TTL: variants seen among roughly 807,000 people sequenced by gnomAD.
The protein encoded by TTL is tubulin--tyrosine ligase.
Under a neutral mutation model 41.1 loss-of-function variants are expected in TTL, and 10 were observed. The observed-to-expected ratio is 0.24, with a 90% CI of 0.15 to 0.41. TTL has a LOEUF of 0.41. TTL is among the 10% of genes least tolerant of loss of function. The pLI is 1.00. For synonymous variants in TTL, 175 were observed against 175.5 expected (o/e 1.00, Z 0.02); for missense variants, 367 against 460.4 (o/e 0.80, Z 1.86).
Position 112,501,171 on chromosome 2 carries a change from T to C in TTL, c.470-35T>C, listed in dbSNP as rs754518717. 1.1e-5 allele frequency: 17 copies of C among 1,583,774 alleles called. No homozygotes were observed. In the South Asian group the frequency reaches 1.3e-4, roughly 12 times the overall value. On this transcript the variant is annotated intron_variant, in intron 3 of 6. Coordinates refer to ENST00000233336, the MANE Select transcript of TTL (RefSeq NM_153712.5). The stretch of plus-strand genomic sequence containing the variant: ...ATTTATAGAGAGCTCTTGGTTTGAA[T>C]TGGATTGGTTTGTCTTTTGCTTTTT...
At chr2:112,486,929 C>T (rs918661693) in intron 2 of TTL, among the ~76,000 whole-genome samples, 9 of 152,160 alleles carry the variant, frequency 5.9e-5, no homozygotes, top group African/African-American at 9.7e-5. Context: ...AATTTAGCTA[C>T]GGGCTTTGAA....
At chr2:112,514,703 C>G (rs2104468127) in intron 5 of TTL, among the ~76,000 whole-genome samples, 1 of 152,244 alleles carries the variant, frequency 6.6e-6, no homozygotes, top group East Asian at 1.9e-4. Context: ...TGTACATATT[C>G]CTGCATTTGG....
At chr2:112,483,974 C>T (rs2104443635) in intron 1 of TTL, 1 of 152,264 alleles carries the variant, frequency 6.6e-6, no homozygotes, top group East Asian at 1.9e-4. Context: ...TTATTTGTTC[C>T]TTGCATTGTC....
chr2:112,482,274 G>T lies in TTL; in HGVS notation c.-71G>T. 2 of 1,113,218 alleles carry T rather than the reference G, an allele frequency of 1.8e-6. No homozygotes were observed. Among genetic ancestry groups the T allele is most frequent in the Non-Finnish European group, 2.2e-6 (2 of 898,616 alleles). 69.0% of individuals were successfully genotyped at this position (1,113,218 alleles called of 1,614,324 possible). A position where few individuals can be genotyped will look rare whatever the true frequency, so the allele number is the denominator to read the frequency against. On this transcript the variant is annotated 5_prime_UTR_variant, in exon 1 of 7. Coordinates refer to ENST00000233336, the MANE Select transcript of TTL (RefSeq NM_153712.5). This position sits in a 1 kb window ranked among gnomAD's most constrained non-coding sequence, Gnocchi z 5.3. ...CGGCGGGCGCCCGGGCGGGGTCCGC[G>T]CTGAGCCGCCTTCTCGGCCGCCTGG...
At chr2:112,494,402 C>G (rs1201191571) in intron 3 of TTL, 27 bp downstream of exon 3, 6 of 1,557,842 alleles carry the variant, frequency 3.9e-6, no homozygotes, top group African/African-American at 2.7e-5. Context: ...GTCCCCTTCT[C>G]TATTCCTGGT....
chr2:112,518,826 C>T (rs1682145827), intron 5 of TTL, among the ~76,000 whole-genome samples: 2 of 152,046 alleles, frequency 1.3e-5, no homozygotes, highest in Admixed American at 1.3e-4. Flanking sequence ...AGGCACCTGC[C>T]ACTATGCCTG....
intron 5 of TTL, among the ~76,000 whole-genome samples, chr2:112,518,541 G>A (rs1278920708): frequency 2.0e-5 from 3 of 152,112 alleles, no homozygotes; most frequent in African/African-American, 2.4e-5. Flanking sequence ...GGCCGAGGGC[G>A]GAGGATTGAC....
intron 2 of TTL, among the ~76,000 whole-genome samples, chr2:112,491,660 C>G (rs896495984): frequency 6.6e-6 from 1 of 152,136 alleles, no homozygotes; most frequent in Non-Finnish European, 1.5e-5. Context: ...CTCTGTAAAA[C>G]ATTTGCTTAA....
At chr2:112,502,832 T>G (rs1439544314) in intron 4 of TTL, 80 bp from the exon 5 acceptor site, 1 of 1,484,330 alleles carries the variant, frequency 6.7e-7, no homozygotes, top group African/African-American at 1.4e-5. Flanking sequence ...ATAAAAGAAG[T>G]CAAGATGTGG....
At chr2:112,494,097 A>C in intron 2 of TTL, 46 bp from the exon 3 acceptor site, 1 of 1,498,448 alleles carries the variant, frequency 6.7e-7, no homozygotes, top group Non-Finnish European at 9.2e-7. Flanking sequence ...AGGGAGTGAC[A>C]AAGTGCACTA....
chr2:112,503,738 T>C (rs550157706), intron 5 of TTL, among the ~76,000 whole-genome samples: 14 of 149,672 alleles, frequency 9.4e-5, no homozygotes, highest in South Asian at 6.3e-4. Flanking sequence ...TTCCATTCTT[T>C]AGGCATTCAA....
At chr2:112,496,755 T>C (rs1289561224) in intron 3 of TTL, among the ~76,000 whole-genome samples, 2 of 146,530 alleles carry the variant, frequency 1.4e-5, no homozygotes, top group Non-Finnish European at 1.5e-5. Context: ...TTGCCCAGGC[T>C]GGAGTGAGAT....
At chr2:112,519,735 G>C (rs978375865) in intron 5 of TTL, among the ~76,000 whole-genome samples, 3 of 152,026 alleles carry the variant, frequency 2.0e-5, no homozygotes, top group South Asian at 2.1e-4. Flanking sequence ...CTTGAGACAT[G>C]GGAAAGTGGC....
At chr2:112,522,020 G>A (rs1369056227) in intron 6 of TTL, 1 of 152,278 alleles carries the variant, frequency 6.6e-6, no homozygotes, top group Non-Finnish European at 1.5e-5. Flanking sequence ...GTCCCTCCAT[G>A]GTGCTCTAGA....
chr2:112,516,713 G>A (rs1182799762), intron 5 of TTL, among the ~76,000 whole-genome samples: 7 of 152,018 alleles, frequency 4.6e-5, no homozygotes, highest in South Asian at 2.1e-4. Context: ...TTATGTGAGC[G>A]TCTGTTCTAG....
Position 112,482,371 on chromosome 2 carries a change from G to A in TTL, c.27G>A (p.Glu9=). MYTFVVRD[E]NSSVYAEVSR... ...TGTACACCTTCGTGGTACGCGATGAGAACAGCAGCGTCTACGCCGAGGTCT... is the reference window on the plus strand; with the variant it reads ...TGTACACCTTCGTGGTACGCGATGAAAACAGCAGCGTCTACGCCGAGGTCT... The change falls in exon 1 of 7, where the codon GAG becomes GAA. Residue 9 remains glutamate, a synonymous_variant. Transcript: ENST00000233336. The surrounding 1 kb of genome is among the most constrained non-coding windows in gnomAD (Gnocchi z 5.3). 3 of 1,577,942 alleles carry A rather than the reference G, an allele frequency of 1.9e-6. No homozygotes were observed. The highest frequency in any genetic ancestry group is 2.6e-6 in the Non-Finnish European group (3 of 1,162,750).
chr2:112,525,388 G>T (rs902405878), intron 6 of TTL, among the ~76,000 whole-genome samples: 1 of 152,118 alleles, frequency 6.6e-6, no homozygotes, highest in Non-Finnish European at 1.5e-5. Context: ...GGGTAGTATG[G>T]CCATTTTCAC....
chr2:112,487,703 T>G (rs1055935831), intron 2 of TTL, among the ~76,000 whole-genome samples: 1 of 152,178 alleles, frequency 6.6e-6, no homozygotes, highest in African/African-American at 2.4e-5. Flanking sequence ...CTCGGAGGCA[T>G]GCAGTGTGAT....
intron 3 of TTL, among the ~76,000 whole-genome samples, chr2:112,500,509 T>G (rs1380436891): frequency 6.6e-6 from 1 of 152,092 alleles, no homozygotes; most frequent in East Asian, 1.9e-4. Flanking sequence ...AGGCGAAGGT[T>G]ACAGTGAGCT....
Sources: allele counts gnomAD v4.1 joint callset (sites outside exome capture counted in the v4.1 genomes callset), GRCh38; gene constraint gnomAD v4.1.1; non-coding constraint Gnocchi (gnomAD v3.1); transcripts MANE v1.5; gene names NCBI Gene and HGNC (gene_info 2026-07-23, HGNC 2026-07-21).